PKIB: variants seen among roughly 807,000 people sequenced by gnomAD.
PKIB encodes PKI-beta.
PKIB carries 2 observed loss-of-function variants against 4.5 expected under a neutral mutation model. The observed-to-expected ratio is 0.44, with a 90% CI of 0.18 to 1.39. The LOEUF (loss-of-function observed/expected upper bound fraction) is 1.39. Among genes scored for constraint, PKIB ranks in the 40% most tolerant of loss-of-function variants. The pLI is 0.27. For missense variants in PKIB, 94 were observed against 92.6 expected (o/e 1.02, Z -0.06); for synonymous variants, 38 against 36.0 (o/e 1.06, Z -0.20).
intron 3 of PKIB, among the ~76,000 whole-genome samples, chr6:122,589,930 T>A (rs1415567072): frequency 6.6e-6 from 1 of 152,192 alleles, no homozygotes. Context: ...CTGTTAAAGT[T>A]CAGAATTTTC....
At chr6:122,513,252 T>C (rs1776643126) in intron 2 of PKIB, among the ~76,000 whole-genome samples, 1 of 152,168 alleles carries the variant, frequency 6.6e-6, no homozygotes, top group Non-Finnish European at 1.5e-5. Flanking sequence ...CTCAGCTACA[T>C]GACTTGTTTT....
intron 2 of PKIB, among the ~76,000 whole-genome samples, chr6:122,571,176 G>A (rs997238976): frequency 6.6e-6 from 1 of 152,048 alleles, no homozygotes; most frequent in Non-Finnish European, 1.5e-5. Flanking sequence ...CAAGGCTTTT[G>A]AATTAACCCA....
intron 2 of PKIB, among the ~76,000 whole-genome samples, chr6:122,584,486 A>G (rs527815264): frequency 6.6e-6 from 1 of 152,254 alleles, no homozygotes; most frequent in Admixed American, 6.5e-5. Flanking sequence ...GAGGCCTGTA[A>G]TATACTGACT....
At chr6:122,561,988 G>GTTTT (rs796363707) in intron 2 of PKIB, among the ~76,000 whole-genome samples, 2 of 24,276 alleles carry the variant, frequency 8.2e-5, no homozygotes, top group African/African-American at 1.6e-4. Context: ...TTTTTTGTTT[G>GTTTT]TTTTTGTTTT....
At chr6:122,494,290 C>T (rs893196604) in intron 2 of PKIB, among the ~76,000 whole-genome samples, 2 of 152,056 alleles carry the variant, frequency 1.3e-5, no homozygotes, top group Non-Finnish European at 2.9e-5. Flanking sequence ...AGCTCTGAGA[C>T]CTTAATTGAG....
chr6:122,629,772 G>A (rs1775617673), intron 1 of PKIB, among the ~76,000 whole-genome samples: 1 of 152,046 alleles, frequency 6.6e-6, no homozygotes, highest in East Asian at 1.9e-4. Flanking sequence ...AAAAACACCA[G>A]GCAAATCCCA....
chr6:122,496,532 GAA>G (rs1776081021), intron 2 of PKIB, among the ~76,000 whole-genome samples: 2 of 152,100 alleles, frequency 1.3e-5, no homozygotes, highest in Non-Finnish European at 2.9e-5. Flanking sequence ...CTTCTAAAAA[GAA>G]ATCAATCAGA....
intron 3 of PKIB, among the ~76,000 whole-genome samples, chr6:122,587,996 T>C (rs897889294): frequency 2.6e-5 from 4 of 152,230 alleles, no homozygotes; most frequent in African/African-American, 9.6e-5. Context: ...TGATGGTAGT[T>C]TCTTTTGCTG....
chr6:122,570,739 A>G (rs1773339220), intron 2 of PKIB, among the ~76,000 whole-genome samples: 1 of 152,216 alleles, frequency 6.6e-6, no homozygotes, highest in Non-Finnish European at 1.5e-5. Context: ...AAAGAAATTA[A>G]ATAAAAACCA....
At chr6:122,532,964 G>T (rs1206320206) in intron 2 of PKIB, among the ~76,000 whole-genome samples, 1 of 151,946 alleles carries the variant, frequency 6.6e-6, no homozygotes, top group East Asian at 1.9e-4. Context: ...TCATATGTTT[G>T]TTGGACATTT....
At chr6:122,572,609 GA>G (rs571236526) in intron 2 of PKIB, among the ~76,000 whole-genome samples, 6 of 90,440 alleles carry the variant, frequency 6.6e-5, no homozygotes, top group East Asian at 3.5e-4. Flanking sequence ...GTAGCAGAAG[GA>G]AAAAAAAAAC....
chr6:122,473,406 A>G (rs1001709187), intron 1 of PKIB, among the ~76,000 whole-genome samples: 70 of 152,176 alleles, frequency 4.6e-4, no homozygotes, highest in African/African-American at 1.5e-3. Context: ...TGCACTATTC[A>G]ATAGAGTTTT....
chr6:122,625,479 A>C (rs1230143755), intron 1 of PKIB, among the ~76,000 whole-genome samples: 1 of 152,120 alleles, frequency 6.6e-6, no homozygotes, highest in Non-Finnish European at 1.5e-5. Flanking sequence ...TATGTAAATT[A>C]AAAAGCTATG....
At chr6:122,662,892 C>T (rs1777065748) in intron 2 of PKIB, among the ~76,000 whole-genome samples, 1 of 152,196 alleles carries the variant, frequency 6.6e-6, no homozygotes, top group African/African-American at 2.4e-5. Flanking sequence ...GTTTGTCTGC[C>T]TTCCAAGAGA....
chr6:122,497,896 C>G (rs1404267275), intron 2 of PKIB, among the ~76,000 whole-genome samples: 1 of 152,170 alleles, frequency 6.6e-6, no homozygotes, highest in Non-Finnish European at 1.5e-5. Flanking sequence ...TACCCATCAA[C>G]CAACCACAGA....
chr6:122,718,767 T>C (rs1779607885), intron 4 of PKIB, among the ~76,000 whole-genome samples: 1 of 152,132 alleles, frequency 6.6e-6, no homozygotes, highest in South Asian at 2.1e-4. Flanking sequence ...AGAAGGCTCT[T>C]GGTTCTTTGC....
intron 1 of PKIB, among the ~76,000 whole-genome samples, chr6:122,626,083 T>TAGATAGATAGATAGATAG (rs1055007568): frequency 6.6e-6 from 1 of 151,732 alleles, no homozygotes; most frequent in Non-Finnish European, 1.5e-5. Context: ...TATAGATAGA[T>TAGATAGATAGATAGATAG]AGATAGATAG....
At chr6:122,623,227 C>T (rs748277853) in intron 1 of PKIB, among the ~76,000 whole-genome samples, 8 of 152,062 alleles carry the variant, frequency 5.3e-5, no homozygotes, top group Non-Finnish European at 8.8e-5. Context: ...ACAAGGATCA[C>T]GTCTTATTTT....
intron 2 of PKIB, among the ~76,000 whole-genome samples, chr6:122,518,063 A>G (rs906276254): frequency 6.6e-6 from 1 of 152,240 alleles, no homozygotes; most frequent in Non-Finnish European, 1.5e-5. Context: ...CTCAACAGGT[A>G]AAGGGTTAAA....
Sources: allele counts gnomAD v4.1 joint callset (sites outside exome capture counted in the v4.1 genomes callset), GRCh38; gene constraint gnomAD v4.1.1; transcripts MANE v1.5; gene names NCBI Gene and HGNC (gene_info 2026-07-23, HGNC 2026-07-21).